TANC2: variants seen among roughly 807,000 people sequenced by gnomAD.
TANC2 encodes the protein protein TANC2.
Under a neutral mutation model 210.5 loss-of-function variants are expected in TANC2, and 26 were observed. The ratio of observed to expected loss-of-function variants is 0.12; its 90% confidence interval spans 0.09 to 0.17. The LOEUF (loss-of-function observed/expected upper bound fraction) is 0.17. Among genes scored for constraint, TANC2 ranks in the 10% least tolerant of loss-of-function variants. The probability of loss-of-function intolerance (pLI) is 1.00; values close to 1 mark genes in which losing one functional copy is unlikely to be tolerated. For synonymous variants in TANC2, 931 were observed against 967.1 expected, an observed-to-expected ratio of 0.96 and a Z score of 0.69; for missense variants, 2,129 against 2,608.9, an observed-to-expected ratio of 0.82 and a Z score of 4.01.
chr17:63,387,147 G>C (rs1163747968), intron 15 of TANC2, among the ~76,000 whole-genome samples: 1 of 152,200 alleles, frequency 6.6e-6, no homozygotes, highest in South Asian at 2.1e-4. Context: ...ACTGCACCTG[G>C]CTGAAAATAA....
chr17:63,372,814 C>A (rs745403374), intron 14 of TANC2, among the ~76,000 whole-genome samples: 1 of 151,372 alleles, frequency 6.6e-6, no homozygotes, highest in Non-Finnish European at 1.5e-5. Context: ...GAAAATAATT[C>A]TCTTCTGTCT....
At chr17:63,231,130 T>A (rs2042464859) in intron 7 of TANC2, among the ~76,000 whole-genome samples, 1 of 152,210 alleles carries the variant, frequency 6.6e-6, no homozygotes, top group African/African-American at 2.4e-5. Context: ...TAAGTTTCCC[T>A]CCATCCCTTT....
chr17:63,066,060 C>G (rs2036183849), intron 2 of TANC2, among the ~76,000 whole-genome samples: 1 of 152,028 alleles, frequency 6.6e-6, no homozygotes, highest in African/African-American at 2.4e-5. Flanking sequence ...GTCCTGTAGC[C>G]TGGGCCTGCA....
At chr17:63,243,111 A>C (rs1019333501) in intron 8 of TANC2, among the ~76,000 whole-genome samples, 2 of 152,168 alleles carry the variant, frequency 1.3e-5, no homozygotes, top group African/African-American at 2.4e-5. Context: ...TCCAGCATCC[A>C]AGCTTGTTAG....
intron 9 of TANC2, among the ~76,000 whole-genome samples, chr17:63,292,931 T>TC (rs948756250): frequency 1.3e-5 from 2 of 152,190 alleles, no homozygotes; most frequent in Admixed American, 6.5e-5. Context: ...GCAGCCTGAC[T>TC]CCAAGTCCAC....
At chr17:63,168,185 T>C (rs2040281143) in intron 5 of TANC2, among the ~76,000 whole-genome samples, 1 of 152,092 alleles carries the variant, frequency 6.6e-6, no homozygotes, top group Non-Finnish European at 1.5e-5. Context: ...TTAGGCAACA[T>C]AGCAAGACTC....
chr17:63,009,754 T>C (rs191197164), intron 2 of TANC2, 128 bp downstream of exon 2: 1 of 781,568 alleles, frequency 1.3e-6, no homozygotes, highest in Non-Finnish European at 2.1e-6. Flanking sequence ...TTACATTTCT[T>C]TGGGCTTTCA....
intron 3 of TANC2, among the ~76,000 whole-genome samples, chr17:63,092,114 A>G (rs140163227): frequency 1.3e-5 from 2 of 152,172 alleles, no homozygotes; most frequent in African/African-American, 2.4e-5. Flanking sequence ...TGTTGCATGT[A>G]TATGTCACAA....
At chr17:63,408,893 T>G (rs2048600848) in intron 21 of TANC2, among the ~76,000 whole-genome samples, 1 of 152,220 alleles carries the variant, frequency 6.6e-6, no homozygotes, top group Non-Finnish European at 1.5e-5. Flanking sequence ...AAGCGTTGTC[T>G]TAGGTACTCT....
At chr17:63,225,933 G>A (rs2042316291) in intron 7 of TANC2, among the ~76,000 whole-genome samples, 1 of 152,144 alleles carries the variant, frequency 6.6e-6, no homozygotes, top group African/African-American at 2.4e-5. Context: ...AACCACAGAA[G>A]CACTAGAAGT....
intron 3 of TANC2, among the ~76,000 whole-genome samples, chr17:63,080,390 T>C (rs75042932): frequency 6.6e-6 from 1 of 152,212 alleles, no homozygotes; most frequent in Non-Finnish European, 1.5e-5. Flanking sequence ...TGAAACCCAG[T>C]TTTTATTTTC....
chr17:63,159,664 A>G (rs546775632), intron 5 of TANC2, among the ~76,000 whole-genome samples: 2 of 152,276 alleles, frequency 1.3e-5, no homozygotes, highest in South Asian at 2.1e-4. Flanking sequence ...TTTACATTGC[A>G]TATGGTATTG....
chr17:63,047,092 A>G (rs1041493987), intron 2 of TANC2, among the ~76,000 whole-genome samples: 3 of 152,204 alleles, frequency 2.0e-5, no homozygotes, highest in Non-Finnish European at 2.9e-5. Flanking sequence ...TTATATCTTC[A>G]TATACGAAGG....
chr17:63,110,391 A>T (rs966449909), intron 4 of TANC2, among the ~76,000 whole-genome samples: 3 of 151,842 alleles, frequency 2.0e-5, no homozygotes, highest in African/African-American at 7.3e-5. Flanking sequence ...AGAACATTAA[A>T]GCAAAATCAG....
Position 62,997,116 on chromosome 17 carries a change from CT to C in TANC2, c.-23-12402del, listed in dbSNP as rs74374010. ...AGGTGTGAACCACCACACCCAGCCT[CT>C]TTTTTTTTTTTTTTTTTTAAAGAGA... On this transcript the variant is annotated intron_variant, in intron 1 of 27. Transcript: ENST00000689528. 4.6e-3 allele frequency among the ~76,000 whole-genome samples: 553 copies of C among 120,946 alleles called. 1 individual carries two copies. The highest frequency in any genetic ancestry group is 0.01 in the Middle Eastern group (2 of 192). The allele number at this position is 120,946 out of a possible 152,430, so 79.3% of individuals were successfully genotyped here. A position where few individuals can be genotyped will look rare whatever the true frequency, so the allele number is the denominator to read the frequency against.
At chr17:63,195,441 G>T (rs898580921) in intron 6 of TANC2, among the ~76,000 whole-genome samples, 1 of 152,090 alleles carries the variant, frequency 6.6e-6, no homozygotes, top group African/African-American at 2.4e-5. Context: ...GCAAATCGTA[G>T]ACCCTGTCTT....
At chr17:63,130,766 G>GACA (rs980706770) in intron 4 of TANC2, 3 of 152,114 alleles carry the variant, frequency 2.0e-5, no homozygotes, top group Non-Finnish European at 4.4e-5. Flanking sequence ...ATTCTGCCTT[G>GACA]AGGCTCCCCT....
At chr17:63,217,103 G>A (rs571571744) in intron 7 of TANC2, among the ~76,000 whole-genome samples, 7 of 152,260 alleles carry the variant, frequency 4.6e-5, no homozygotes, top group Non-Finnish European at 1.0e-4. Context: ...AGCATTAAGA[G>A]CTTTTTTTAG....
chr17:63,392,853 C>A (rs374539199), intron 17 of TANC2, among the ~76,000 whole-genome samples: 21 of 152,130 alleles, frequency 1.4e-4, no homozygotes, highest in African/African-American at 4.8e-4. Context: ...TAAAATAATT[C>A]TCTTGTAGGC....
Sources: allele counts gnomAD v4.1 joint callset (sites outside exome capture counted in the v4.1 genomes callset), GRCh38; gene constraint gnomAD v4.1.1; transcripts MANE v1.5; gene names NCBI Gene and HGNC (gene_info 2026-07-23, HGNC 2026-07-21).